Variants in FCHSD1 observed in about 807,000 individuals in gnomAD.
The protein encoded by FCHSD1 is FCH and double SH3 domains 1, also known as F-BAR and double SH3 domains protein 1.
A neutral mutation model predicts 101.3 loss-of-function variants in FCHSD1; 109 were observed. The ratio of observed to expected loss-of-function variants is 1.08; its 90% CI spans 0.92 to 1.26. FCHSD1 has a LOEUF of 1.26. FCHSD1 is among the 50% of genes most tolerant of loss of function. The pLI is 0.00. For synonymous variants in FCHSD1, 291 were observed against 356.8 expected, an observed-to-expected ratio of 0.82 and a Z score of 2.08; for missense variants, 820 against 895.8, an observed-to-expected ratio of 0.92 and a Z score of 1.08.
At position 141,641,269 on chromosome 5, in the gene FCHSD1, G is replaced by A. The variant is rs1385921788; in HGVS notation, c.*229C>T. ...ATTTCACCACCCTAGATAGGGTCATGACAGAAGAGAAGGTAGTTCCGGTCC... is the reference window on the plus strand; with the variant it reads ...ATTTCACCACCCTAGATAGGGTCATAACAGAAGAGAAGGTAGTTCCGGTCC... On this transcript the variant is annotated 3_prime_UTR_variant, in exon 20 of 20. Transcript: ENST00000435817. 2 of 448,934 alleles carry A rather than the reference G, an allele frequency of 4.5e-6. No individual in the cohort carries two copies. The highest frequency in any genetic ancestry group is 7.8e-6 in the Non-Finnish European group (2 of 257,828). The allele number at this position is 448,934 out of a possible 1,614,324, so 27.8% of individuals were successfully genotyped here.
At position 141,646,209 on chromosome 5, in the gene FCHSD1, G is replaced by C. The variant is rs765639346; in HGVS notation, c.1045-18C>G. ...TGCAGTACCTGGTTGGGAAGGCAGA[G>C]AACAGGGGTGGGTGGAAATACTGTG... On this transcript the variant is annotated intron_variant, in intron 11 of 19. Transcript: ENST00000435817. The C allele has an allele frequency of 2.5e-6, 4 of 1,581,264 alleles. No individual in the cohort carries two copies. Among genetic ancestry groups the C allele is most frequent in the East Asian group, 4.6e-5 (2 of 43,704 alleles).
Position 141,644,956 on chromosome 5 carries a change from G to A in FCHSD1, c.1441-14C>T, listed in dbSNP as rs762363343. On this transcript the variant is annotated splice_polypyrimidine_tract_variant and intron_variant, in intron 14 of 19. Coordinates refer to ENST00000435817, the MANE Select transcript of FCHSD1 (RefSeq NM_033449.3). ...CTCACGCCCTGCCTGGGCCACACACGAAGGATTCAGGACTTGGCTGTCCCC... is the reference window on the plus strand; with the variant it reads ...CTCACGCCCTGCCTGGGCCACACACAAAGGATTCAGGACTTGGCTGTCCCC... The A allele has an allele frequency of 4.3e-6, 7 of 1,613,750 alleles. No individual in the cohort carries two copies. The highest frequency in any genetic ancestry group is 1.3e-5 in the African/African-American group (1 of 74,902).
chr5:141,650,437 G>A, intron 2 of FCHSD1, 33 bp from the exon 3 acceptor site: 1 of 1,613,760 alleles, frequency 6.2e-7, no homozygotes, highest in Non-Finnish European at 8.5e-7. Context: ...GTGAGGTGGG[G>A]GATAAGGTTA....
chr5:141,647,856 T>C (rs750958132), intron 8 of FCHSD1, 112 bp downstream of exon 8: 8 of 1,457,222 alleles, frequency 5.5e-6, no homozygotes, highest in Non-Finnish European at 7.4e-6. Context: ...ATCTACTCAC[T>C]CTAAACAGAC....
chr5:141,646,173 G>A lies in FCHSD1; in HGVS notation c.1063C>T (p.Gln355Ter). 1 of 1,608,006 alleles carries A rather than the reference G, an allele frequency of 6.2e-7. No homozygotes were observed. The highest frequency in any genetic ancestry group is 8.5e-7 in the Non-Finnish European group (1 of 1,177,446). The change falls in exon 12 of 20, where the codon CAG becomes TAG. Residue 355 changes from glutamine to a stop codon, truncating the protein, a stop_gained. Transcript: ENST00000435817. LOFTEE classifies it high-confidence loss of function. The stretch of plus-strand genomic sequence containing the variant: ...CGCTCTGAAGCCTGCTGCCGCCTCT[G>A]CTCCAGTCGTTGCAGTACCTGGTTG... ...HGHRVLQRLE[Q>*]RRQQASEREA...
chr5:141,645,967 G>T, intron 12 of FCHSD1, 35 bp from the exon 13 acceptor site: 1 of 1,547,862 alleles, frequency 6.5e-7, no homozygotes, highest in Non-Finnish European at 8.7e-7. Context: ...GTGGAACCTG[G>T]CTGACGGCAG....
rs895343579 is a variant in FCHSD1, at chr5:141,644,317, C to T, written c.1764G>A (p.Trp588Ter). 9 of 1,613,806 alleles carry T rather than the reference C, an allele frequency of 5.6e-6. No individual in the cohort carries two copies. In the Admixed American group the frequency reaches 1.0e-4, roughly 18 times the overall value. The change falls in exon 17 of 20, where the codon TGG (tryptophan) becomes TGA (stop). Residue 588 changes from tryptophan to a stop codon, truncating the protein, a stop_gained. Coordinates refer to ENST00000435817, the MANE Select transcript of FCHSD1 (RefSeq NM_033449.3). LOFTEE classifies it high-confidence loss of function. ...CAACACGGCCCCCAAATTCTCCCCT[C>T]CAGAAGCCGTCATCTACTCCATCTT... ...RAQDGVDDGF[W>*]RGEFGGRVGV...
At chr5:141,644,810 C>T in intron 15 of FCHSD1, 49 bp downstream of exon 15, 2 of 1,606,606 alleles carry the variant, frequency 1.2e-6, no homozygotes, top group Non-Finnish European at 1.7e-6. Context: ...CAGAGAAGTC[C>T]CTCCTACTGC....
chr5:141,644,993 A>G, intron 14 of FCHSD1, 27 bp downstream of exon 14: 1 of 1,613,788 alleles, frequency 6.2e-7, no homozygotes, highest in Non-Finnish European at 8.5e-7. Context: ...ACCCTTGCCC[A>G]TCAGAGGTCC....
Position 141,648,977 on chromosome 5 carries a change from G to A in FCHSD1, c.556C>T (p.Leu186Phe). 1.2e-6 allele frequency: 2 copies of A among 1,613,978 alleles called. No individual in the cohort carries two copies. ...CGAACCTTGGTGCTCAGTTTCTGGA[G>A]ACTGGTCCGAGAGTGGAAGATCCCA... ...DHGIFHSRTS[L>F]QKLSTKLSAQ... Residue 186 changes from leucine (L) to phenylalanine (F), a missense_variant, in exon 7 of 20, where the codon CTC becomes TTC. Physicochemically the swap from Leu to Phe is conservative, Grantham distance 22. Coordinates refer to ENST00000435817, the MANE Select transcript of FCHSD1 (RefSeq NM_033449.3).
At chr5:141,645,197 G>A in intron 13 of FCHSD1, 49 bp from the exon 14 acceptor site, 3 of 1,512,602 alleles carry the variant, frequency 2.0e-6, no homozygotes, top group Non-Finnish European at 2.7e-6. Context: ...CTCAAGCACT[G>A]GTTCTATCTC....
chr5:141,648,816 A>G, intron 7 of FCHSD1, 141 bp downstream of exon 7: 1 of 905,666 alleles, frequency 1.1e-6, no homozygotes, highest in South Asian at 1.6e-5. Context: ...AGATCAAGTA[A>G]ATTAACCAAG....
Position 141,644,819 on chromosome 5 carries a change from G to A in FCHSD1, c.1524+40C>T, listed in dbSNP as rs770010813. 3.1e-6 allele frequency: 5 copies of A among 1,608,162 alleles called. No homozygotes were observed. In the South Asian group the frequency reaches 4.4e-5, roughly 14 times the overall value. On this transcript the variant is annotated intron_variant, in intron 15 of 19. Coordinates refer to ENST00000435817, the MANE Select transcript of FCHSD1 (RefSeq NM_033449.3). ...AGGCCACAGAGAAGTCCCTCCTACT[G>A]CCCCCAACCCAAGGTCAGAGCCCGG...
At position 141,649,429 on chromosome 5, in the gene FCHSD1, G is replaced by T. The variant is rs1230818532; in HGVS notation, c.341C>A (p.Thr114Lys). Residue 114 changes from threonine (T) to lysine (K), a missense_variant, in exon 5 of 20, where the codon ACA (threonine) becomes AAA (lysine). By Grantham distance (78) the Thr-to-Lys change is moderately conservative. Coordinates refer to ENST00000435817, the MANE Select transcript of FCHSD1 (RefSeq NM_033449.3). The surrounding 1 kb of genome is among the most constrained non-coding windows in gnomAD (Gnocchi z 4.1). ...SDRYRDLAGG[T>K]GRSAKEQVLR... ...CACCTGCTCCTTGGCGCTCCGCCCT[G>T]TACCCCCTGCTAGGTCACGGTATCG... 6.2e-7 allele frequency: 1 copy of T among 1,613,978 alleles called. No homozygotes were observed. Among genetic ancestry groups the T allele is most frequent in the South Asian group, 1.1e-5 (1 of 91,090 alleles).
In FCHSD1 at chr5:141,641,567, T is replaced by C; in HGVS notation, c.2008-4A>G. Reference sequence around the variant, plus strand: ...GCGGGGGAGGTGGTGGACGCATCTGTAGGGAACACACAGTTAGTGCTCCAG... The same window carrying C: ...GCGGGGGAGGTGGTGGACGCATCTGCAGGGAACACACAGTTAGTGCTCCAG... On this transcript the variant is annotated splice_polypyrimidine_tract_variant and splice_region_variant and intron_variant, in intron 19 of 19. Coordinates refer to ENST00000435817, the MANE Select transcript of FCHSD1 (RefSeq NM_033449.3). The C allele has an allele frequency of 6.4e-7, 1 of 1,566,016 alleles. No individual in the cohort carries two copies. The highest frequency in any genetic ancestry group is 8.7e-7 in the Non-Finnish European group (1 of 1,153,852).
chr5:141,647,286 T>A, intron 9 of FCHSD1, 56 bp from the exon 10 acceptor site: 1 of 1,566,534 alleles, frequency 6.4e-7, no homozygotes, highest in African/African-American at 1.4e-5. Context: ...TCCAACCCTG[T>A]CCCTAGCACT....
chr5:141,641,989 C>G (rs566331392), intron 18 of FCHSD1: 100 of 588,240 alleles, frequency 1.7e-4, no homozygotes, highest in African/African-American at 1.7e-3. Flanking sequence ...GTGCTCCCAC[C>G]CCCAATGGCT....
chr5:141,650,165 G>T (rs754668990), intron 3 of FCHSD1, among the ~76,000 whole-genome samples, 194 bp downstream of exon 3: 1 of 152,174 alleles, frequency 6.6e-6, no homozygotes, highest in Middle Eastern at 3.2e-3. Context: ...CACAGAGAAA[G>T]AAACTGAGGT....
chr5:141,640,083 C>T lies in FCHSD1; in HGVS notation c.*1415G>A, dbSNP rs752821611. ...AGGGATGCCTGCCATGGAGAGGCTGCCCCCTGAGAGGCCACAGCCCCAGGT... is the reference window on the plus strand; with the variant it reads ...AGGGATGCCTGCCATGGAGAGGCTGTCCCCTGAGAGGCCACAGCCCCAGGT... On this transcript the variant is annotated 3_prime_UTR_variant, in exon 20 of 20. Transcript: ENST00000435817. The T allele has an allele frequency of 1.2e-6, 2 of 1,613,100 alleles. No homozygotes were observed. Among genetic ancestry groups the T allele is most frequent in the Non-Finnish European group, 1.7e-6 (2 of 1,179,642 alleles).
Sources: allele counts gnomAD v4.1 joint callset (sites outside exome capture counted in the v4.1 genomes callset), GRCh38; gene constraint gnomAD v4.1.1; non-coding constraint Gnocchi (gnomAD v3.1); transcripts MANE v1.5; gene names NCBI Gene and HGNC (gene_info 2026-07-23, HGNC 2026-07-21).